EBF3: variants seen among roughly 807,000 people sequenced by gnomAD.
EBF3 encodes the protein EBF transcription factor 3.
A neutral mutation model predicts 77.1 loss-of-function variants in EBF3; 18 were observed. The ratio of observed to expected loss-of-function variants is 0.23; its 90% CI spans 0.16 to 0.35. EBF3 has a LOEUF of 0.35. EBF3 is among the 10% of genes least tolerant of loss of function. The probability of loss-of-function intolerance (pLI) is 1.00; values close to 1 mark genes in which losing one functional copy is unlikely to be tolerated. For synonymous variants in EBF3, 350 were observed against 343.5 expected (o/e 1.02, Z -0.21); for missense variants, 558 against 860.0 (o/e 0.65, Z 4.39).
chr10:129,963,578 G>GGGGGCCGGGC lies in EBF3; in HGVS notation c.134+47_134+56dup. 7.9e-7 allele frequency: 1 copy of GGGGGCCGGGC among 1,262,526 alleles called. No individual in the cohort carries two copies. The highest frequency in any genetic ancestry group is 2.2e-5 in the South Asian group (1 of 45,364). The allele number at this position is 1,262,526 out of a possible 1,614,324, so 78.2% of individuals were successfully genotyped here. On this transcript the variant is annotated intron_variant, in intron 1 of 16. Coordinates refer to ENST00000440978, the MANE Select transcript of EBF3 (RefSeq NM_001375380.1). This position sits in a 1 kb window ranked among gnomAD's most constrained non-coding sequence, Gnocchi z 7.1. ...GAGGAGCGCGGCGCCGGCCGGCGGA[G>GGGGGCCGGGC]GGGGCCGGGCCGGGCCGGGGCCGGG...
chr10:129,927,698 C>T (rs567431300), intron 6 of EBF3, among the ~76,000 whole-genome samples: 1 of 152,316 alleles, frequency 6.6e-6, no homozygotes, highest in South Asian at 2.1e-4. Context: ...CCTCCCTCTG[C>T]CCTTTGAGTC....
intron 6 of EBF3, among the ~76,000 whole-genome samples, chr10:129,919,104 G>A (rs1163298815): frequency 2.0e-5 from 3 of 152,190 alleles, no homozygotes; most frequent in Non-Finnish European, 4.4e-5. Context: ...CAGTGGGGAG[G>A]GCGAGTACGC....
At chr10:129,962,333 G>A in intron 3 of EBF3, 107 bp from the exon 4 acceptor site, 1 of 969,726 alleles carries the variant, frequency 1.0e-6, no homozygotes, top group Non-Finnish European at 1.6e-6. Flanking sequence ...CCACGGTGAT[G>A]CAGCAGAACT....
At chr10:129,846,423 G>A (rs1168534838) in intron 11 of EBF3, among the ~76,000 whole-genome samples, 2 of 151,842 alleles carry the variant, frequency 1.3e-5, no homozygotes, top group Admixed American at 6.6e-5. Context: ...CGAGGAGGGG[G>A]CAGCACTCCT....
At position 129,883,701 on chromosome 10, in the gene EBF3, A is replaced by G. The variant is rs1195477806; in HGVS notation, c.555-5852T>C. On this transcript the variant is annotated intron_variant, in intron 6 of 16. Transcript: ENST00000440978. ...TGACAAGGAAAAATGAGTACTGAAAACCAGCCAGAAAACACAGTTTTAAAA... is the reference window on the plus strand; with the variant it reads ...TGACAAGGAAAAATGAGTACTGAAAGCCAGCCAGAAAACACAGTTTTAAAA... 1.2e-4 allele frequency among the ~76,000 whole-genome samples: 17 copies of G among 144,386 alleles called. 1 individual carries two copies. In the Admixed American group the frequency reaches 1.2e-3, roughly 10 times the overall value. 94.7% of individuals were successfully genotyped at this position (144,386 alleles called of 152,430 possible).
At chr10:129,905,338 T>C (rs985445373) in intron 6 of EBF3, among the ~76,000 whole-genome samples, 4 of 152,136 alleles carry the variant, frequency 2.6e-5, no homozygotes, top group African/African-American at 9.7e-5. Context: ...AGATAAAATT[T>C]AAAATATGTC....
At chr10:129,940,107 G>T (rs1857628787) in intron 6 of EBF3, among the ~76,000 whole-genome samples, 2 of 152,218 alleles carry the variant, frequency 1.3e-5, no homozygotes, top group African/African-American at 4.8e-5. Flanking sequence ...TCAGACTCAA[G>T]CCCCTGCCCA....
At chr10:129,852,431 G>A (rs1026797714) in intron 10 of EBF3, among the ~76,000 whole-genome samples, 2 of 152,166 alleles carry the variant, frequency 1.3e-5, no homozygotes, top group African/African-American at 2.4e-5. Flanking sequence ...CTGCAGCTGG[G>A]GCCAGAGCAG....
At chr10:129,858,947 C>A (rs1183289203) in intron 10 of EBF3, among the ~76,000 whole-genome samples, 2 of 152,204 alleles carry the variant, frequency 1.3e-5, no homozygotes, top group Non-Finnish European at 2.9e-5. Context: ...CAATGCTGAC[C>A]AAAATCTGCC....
rs527932376 is a variant in EBF3 at position 129,935,789 on chromosome 10, G to A, written c.554+21469C>T. 7.9e-5 allele frequency among the ~76,000 whole-genome samples: 12 copies of A among 152,336 alleles called. No individual in the cohort carries two copies. Among genetic ancestry groups the A allele is most frequent in the East Asian group, 3.9e-4 (2 of 5,178 alleles). ...GAGCAGAGCTTGGCCCTGCCACACCGGGGCCTCAGGCAAAGCCAAGGGCAT... is the reference window on the plus strand; with the variant it reads ...GAGCAGAGCTTGGCCCTGCCACACCAGGGCCTCAGGCAAAGCCAAGGGCAT... On this transcript the variant is annotated intron_variant, in intron 6 of 16. Transcript: ENST00000440978. The surrounding 1 kb of genome is among the most constrained non-coding windows in gnomAD (Gnocchi z 4.2).
Position 129,891,863 on chromosome 10 carries a change from AG to A in EBF3, c.555-14015del, listed in dbSNP as rs568397364. On this transcript the variant is annotated intron_variant, in intron 6 of 16. Transcript: ENST00000440978. ...TAAGAGGCATTCCAATTCATTACAG[AG>A]GTAGTTCAGAAATATCTAAAAGTGA... Among the ~76,000 whole-genome samples, 146 of 152,328 alleles carry A rather than the reference AG, an allele frequency of 9.6e-4. 1 individual carries two copies. Among genetic ancestry groups the A allele is most frequent in the Non-Finnish European group, 1.7e-3 (119 of 68,024 alleles).
At chr10:129,838,330 G>A (rs545614294) in intron 16 of EBF3, among the ~76,000 whole-genome samples, 8 of 152,230 alleles carry the variant, frequency 5.3e-5, no homozygotes, top group African/African-American at 9.6e-5. Context: ...CCCCTCTGTC[G>A]AGAGAGGTGA....
At chr10:129,936,766 A>C (rs1857393677) in intron 6 of EBF3, among the ~76,000 whole-genome samples, 1 of 145,444 alleles carries the variant, frequency 6.9e-6, no homozygotes, top group African/African-American at 2.6e-5. Context: ...GTGGGGACCC[A>C]GGGGGCTGTG....
At chr10:129,914,281 C>A (rs1855722061) in intron 6 of EBF3, among the ~76,000 whole-genome samples, 1 of 152,156 alleles carries the variant, frequency 6.6e-6, no homozygotes, top group Non-Finnish European at 1.5e-5. Flanking sequence ...CAAAGAGCAT[C>A]TGTGATTTTC....
In EBF3 at chr10:129,897,980, G is replaced by A. The variant is rs1010698030; in HGVS notation, c.555-20131C>T. Among the ~76,000 whole-genome samples the A allele has an allele frequency of 7.2e-5, 11 of 152,154 alleles. No homozygotes were observed. The highest frequency in any genetic ancestry group is 2.4e-4 in the African/African-American group (10 of 41,442). ...GGGGCTGCTCAACAGAAGAGAGCCC[G>A]AGCTGACCCGTTGCTGTATTAAATT... On this transcript the variant is annotated intron_variant, in intron 6 of 16. Coordinates refer to ENST00000440978, the MANE Select transcript of EBF3 (RefSeq NM_001375380.1). This position sits in a 1 kb window ranked among gnomAD's most constrained non-coding sequence, Gnocchi z 4.6.
At chr10:129,957,657 A>C (rs1859146260) in intron 5 of EBF3, among the ~76,000 whole-genome samples, 1 of 152,242 alleles carries the variant, frequency 6.6e-6, no homozygotes, top group Non-Finnish European at 1.5e-5. Flanking sequence ...AGGCTTGGGA[A>C]TAACTTTTCA....
chr10:129,910,804 G>C (rs960868962), intron 6 of EBF3, among the ~76,000 whole-genome samples: 1 of 152,168 alleles, frequency 6.6e-6, no homozygotes, highest in Non-Finnish European at 1.5e-5. Context: ...CAGCCTCCCT[G>C]TTCAGCAGCA....
intron 6 of EBF3, among the ~76,000 whole-genome samples, chr10:129,909,979 G>A (rs2134286358): frequency 6.6e-6 from 1 of 152,338 alleles, no homozygotes; most frequent in South Asian, 2.1e-4. Flanking sequence ...TCACTGTCAG[G>A]GGCTCGGGCT....
intron 6 of EBF3, among the ~76,000 whole-genome samples, chr10:129,928,272 T>C (rs1375444725): frequency 6.6e-6 from 1 of 152,154 alleles, no homozygotes; most frequent in Admixed American, 6.5e-5. Context: ...CCTAAAAGTA[T>C]ACAAAAAATA....
Sources: allele counts gnomAD v4.1 joint callset (sites outside exome capture counted in the v4.1 genomes callset), GRCh38; gene constraint gnomAD v4.1.1; non-coding constraint Gnocchi (gnomAD v3.1); transcripts MANE v1.5; gene names NCBI Gene and HGNC (gene_info 2026-07-23, HGNC 2026-07-21).